The following CHST9 variants were observed in gnomAD, a reference collection of about 807,000 sequenced individuals.
CHST9 encodes carbohydrate sulfotransferase 9, also known as GalNAc-4-sulfotransferase 2.
Under a neutral mutation model 44.4 loss-of-function variants are expected in CHST9, and 41 were observed. The ratio of observed to expected loss-of-function variants is 0.92; its 90% confidence interval spans 0.72 to 1.20. The LOEUF is 1.20. CHST9 is among the 50% of genes most tolerant of loss of function. The pLI is 0.00. For synonymous variants in CHST9, 171 were observed against 178.4 expected (o/e 0.96, Z 0.33); for missense variants, 504 against 516.5 (o/e 0.98, Z 0.23).
At chr18:27,126,483 C>T (rs951772280) in intron 2 of CHST9, among the ~76,000 whole-genome samples, 3 of 152,068 alleles carry the variant, frequency 2.0e-5, no homozygotes, top group African/African-American at 7.2e-5. Context: ...AAGGGAGAGG[C>T]AACTTAAGCA....
At chr18:26,958,552 A>G (rs1455789062) in intron 4 of CHST9, among the ~76,000 whole-genome samples, 2 of 152,212 alleles carry the variant, frequency 1.3e-5, no homozygotes, top group African/African-American at 4.8e-5. Flanking sequence ...GATGACCTAC[A>G]GAACAGGAGA....
chr18:27,068,691 G>C (rs960848063), intron 2 of CHST9, among the ~76,000 whole-genome samples: 1 of 152,186 alleles, frequency 6.6e-6, no homozygotes, highest in Non-Finnish European at 1.5e-5. Context: ...ATGGAAGTCA[G>C]AGGTTCAAGT....
rs1183592903 is a variant in CHST9, at chr18:26,927,484, G to T, written c.241-10134C>A. Among the ~76,000 whole-genome samples, 2 of 152,086 alleles carry T rather than the reference G, an allele frequency of 1.3e-5. 1 individual carries two copies. Among genetic ancestry groups the T allele is most frequent in the African/African-American group, 4.8e-5 (2 of 41,392 alleles). ...CATCTCTGAGAGGGGGATGTGGCAG[G>T]ACAATAGGGTAACAGTGGGGAGAGG... On this transcript the variant is annotated intron_variant, in intron 5 of 5. Coordinates refer to ENST00000618847, the MANE Select transcript of CHST9 (RefSeq NM_031422.6).
intron 5 of CHST9, among the ~76,000 whole-genome samples, chr18:26,931,118 C>T (rs1334107959): frequency 6.6e-6 from 1 of 152,168 alleles, no homozygotes; most frequent in African/African-American, 2.4e-5. Flanking sequence ...GATGGACAGG[C>T]TTCTACCTAG....
At chr18:27,027,910 A>AT (rs1164529817) in intron 3 of CHST9, among the ~76,000 whole-genome samples, 2 of 151,952 alleles carry the variant, frequency 1.3e-5, no homozygotes, top group African/African-American at 4.8e-5. Flanking sequence ...TTTATTTTGT[A>AT]TTTTTTTGAG....
chr18:27,074,946 T>C (rs1415573672), intron 2 of CHST9, among the ~76,000 whole-genome samples: 1 of 149,024 alleles, frequency 6.7e-6, no homozygotes, highest in Non-Finnish European at 1.5e-5. Flanking sequence ...TTAACATCTA[T>C]AGTATATAGT....
At chr18:27,111,620 C>T (rs578150251) in intron 2 of CHST9, among the ~76,000 whole-genome samples, 1 of 152,346 alleles carries the variant, frequency 6.6e-6, no homozygotes, top group South Asian at 2.1e-4. Context: ...CTGAAGTAAA[C>T]TGAATTGCTG....
At chr18:26,965,922 T>C (rs2056458881) in intron 4 of CHST9, among the ~76,000 whole-genome samples, 1 of 152,182 alleles carries the variant, frequency 6.6e-6, no homozygotes, top group South Asian at 2.1e-4. Context: ...AAAAAAACCC[T>C]TTGGAACCCT....
Position 26,978,304 on chromosome 18 carries a change from C to T in CHST9, c.203-33938G>A, listed in dbSNP as rs758757751. ...GTGTGTATGTGTGTGTGTGTGTGTG[C>T]TGCTCTTCAGAGTAGATTGCTAAGG... On this transcript the variant is annotated intron_variant, in intron 4 of 5. Coordinates refer to ENST00000618847, the MANE Select transcript of CHST9 (RefSeq NM_031422.6). 3.5e-5 allele frequency among the ~76,000 whole-genome samples: 5 copies of T among 141,936 alleles called. No individual in the cohort carries two copies. In the Middle Eastern group the frequency reaches 0.011, roughly 300 times the overall value. The allele number at this position is 141,936 out of a possible 152,430, so 93.1% of individuals were successfully genotyped here.
intron 2 of CHST9, among the ~76,000 whole-genome samples, chr18:27,074,082 A>T (rs2057873309): frequency 6.6e-6 from 1 of 152,162 alleles, no homozygotes; most frequent in Admixed American, 6.5e-5. Context: ...AGAACAAAGA[A>T]ATTCATATTT....
intron 4 of CHST9, among the ~76,000 whole-genome samples, chr18:27,018,539 G>A (rs1011357519): frequency 1.3e-5 from 2 of 152,066 alleles, no homozygotes; most frequent in African/African-American, 4.8e-5. Flanking sequence ...TTGGAAAATC[G>A]AGGCTTGGTC....
At chr18:27,052,061 G>T (rs564339034) in intron 2 of CHST9, among the ~76,000 whole-genome samples, 13 of 152,016 alleles carry the variant, frequency 8.6e-5, no homozygotes, top group African/African-American at 2.9e-4. Flanking sequence ...TTTTTTTTAT[G>T]AATACCTCAA....
chr18:26,952,161 T>C (rs1185118769), intron 4 of CHST9: 2 of 515,106 alleles, frequency 3.9e-6, no homozygotes, highest in Non-Finnish European at 7.8e-6. Flanking sequence ...TTCCACATCA[T>C]AGCAGGAGGG....
intron 2 of CHST9, among the ~76,000 whole-genome samples, chr18:27,087,488 C>A (rs2058024106): frequency 1.3e-5 from 2 of 152,108 alleles, no homozygotes; most frequent in African/African-American, 2.4e-5. Flanking sequence ...TTCATTTTTT[C>A]TCCCTAATAT....
intron 2 of CHST9, among the ~76,000 whole-genome samples, chr18:27,094,231 C>T (rs1294674793): frequency 1.3e-5 from 2 of 152,128 alleles, no homozygotes; most frequent in Non-Finnish European, 2.9e-5. Flanking sequence ...CAAACTGTAA[C>T]ACCTTATCAT....
intron 2 of CHST9, among the ~76,000 whole-genome samples, chr18:27,092,040 C>T (rs750952959): frequency 3.9e-5 from 6 of 152,128 alleles, no homozygotes; most frequent in Admixed American, 6.6e-5. Flanking sequence ...CCCTTTGTAC[C>T]TCTGGTAGAA....
intron 1 of CHST9, among the ~76,000 whole-genome samples, chr18:27,179,656 C>A (rs1169057246): frequency 2.0e-5 from 3 of 151,962 alleles, no homozygotes; most frequent in African/African-American, 7.2e-5. Context: ...TTTATGTGTC[C>A]TATTTAGCTA....
intron 2 of CHST9, among the ~76,000 whole-genome samples, chr18:27,100,529 G>A (rs552294625): frequency 3.9e-5 from 6 of 152,312 alleles, no homozygotes; most frequent in African/African-American, 1.4e-4. Context: ...TAGGGAAAGG[G>A]GGGCACTGAT....
At chr18:27,159,023 G>A (rs1250754051) in intron 1 of CHST9, among the ~76,000 whole-genome samples, 5 of 152,192 alleles carry the variant, frequency 3.3e-5, no homozygotes, top group African/African-American at 7.2e-5. Flanking sequence ...TTTGTCAGAT[G>A]AGCAGATTGC....
Sources: gnomAD v4.1 joint callset for allele counts (sites outside exome capture counted in the v4.1 genomes callset) on GRCh38, gnomAD v4.1.1 for gene constraint, MANE v1.5 for transcripts, NCBI Gene and HGNC (gene_info 2026-07-23, HGNC 2026-07-21) for gene names.